Variants in FOXP2 observed in about 807,000 individuals in gnomAD.
The protein encoded by FOXP2 is forkhead box P2, also known as forkhead box protein P2.
A neutral mutation model predicts 115.8 loss-of-function variants in FOXP2; 12 were observed. That is an observed-to-expected ratio of 0.10 (90% CI 0.07 to 0.17). FOXP2 has a LOEUF of 0.17. FOXP2 is among the 10% of genes least tolerant of loss of function. The pLI, the probability that FOXP2 is intolerant of heterozygous loss-of-function variation, is 1.00. For missense variants in FOXP2, 629 were observed against 843.5 expected (o/e 0.75, Z 3.15); for synonymous variants, 328 against 297.7 (o/e 1.10, Z -1.05).
chr7:114,241,159 G>A (rs1051657795), intron 1 of FOXP2, among the ~76,000 whole-genome samples: 1 of 151,838 alleles, frequency 6.6e-6, no homozygotes, highest in South Asian at 2.1e-4. Flanking sequence ...AGCACTTATT[G>A]AGTGTTTACT....
intron 1 of FOXP2, among the ~76,000 whole-genome samples, chr7:114,092,277 G>T (rs573781929): frequency 2.6e-4 from 39 of 151,990 alleles, no homozygotes; most frequent in Admixed American, 1.2e-3. Context: ...TTTTCTAATG[G>T]AAGTCTATAA....
At chr7:114,158,354 T>C (rs1792727363), upstream of FOXP2, among the ~76,000 whole-genome samples, 2 of 152,038 alleles carry the variant, frequency 1.3e-5, no homozygotes, top group Admixed American at 1.3e-4. Flanking sequence ...TATTATTTGT[T>C]GGTATTTATT....
intron 3 of FOXP2, among the ~76,000 whole-genome samples, chr7:114,609,879 A>C (rs756760449): frequency 1.3e-5 from 2 of 152,198 alleles, no homozygotes; most frequent in Non-Finnish European, 2.9e-5. Context: ...TTTCACATTC[A>C]GCATTATCAC....
chr7:114,207,559 C>T (rs1483852669), intron 1 of FOXP2, among the ~76,000 whole-genome samples: 1 of 152,182 alleles, frequency 6.6e-6, no homozygotes, highest in Non-Finnish European at 1.5e-5. Flanking sequence ...ATAATATTCA[C>T]AATAATTTAG....
chr7:114,249,139 A>G (rs1339583706), intron 1 of FOXP2, among the ~76,000 whole-genome samples: 2 of 152,196 alleles, frequency 1.3e-5, no homozygotes, highest in Non-Finnish European at 2.9e-5. Flanking sequence ...AAGGGGGAAA[A>G]GTAATGCCTA....
chr7:114,347,011 G>T (rs1476472191), intron 2 of FOXP2, among the ~76,000 whole-genome samples: 1 of 151,512 alleles, frequency 6.6e-6, no homozygotes, highest in African/African-American at 2.4e-5. Flanking sequence ...AGAATTACAA[G>T]GTATCAATTA....
chr7:114,304,861 G>A lies in FOXP2; in HGVS notation c.-11+16752G>A, dbSNP rs548861706. On this transcript the variant is annotated intron_variant, in intron 2 of 17. Coordinates refer to the FOXP2 transcript ENST00000634411. ...TGGTTTGAAATGTTTCTGAAACAAC[G>A]TTAAAGGCATTTAAGAATAGAATAG... Among the ~76,000 whole-genome samples the A allele has an allele frequency of 9.9e-5, 15 of 151,962 alleles. No homozygotes were observed. In the South Asian group the frequency reaches 1.5e-3, roughly 15 times the overall value.
chr7:114,532,866 G>A (rs1398058902), intron 2 of FOXP2, among the ~76,000 whole-genome samples: 1 of 151,792 alleles, frequency 6.6e-6, no homozygotes. Flanking sequence ...GACACCTATT[G>A]TAATTTCCAT....
intron 3 of FOXP2, among the ~76,000 whole-genome samples, chr7:114,574,092 A>C (rs1801455108): frequency 6.6e-6 from 1 of 151,794 alleles, no homozygotes; most frequent in Admixed American, 6.6e-5. Context: ...GTACTCACTA[A>C]TAAATTATAT....
chr7:114,149,991 C>A (rs1348063824), intron 1 of FOXP2, among the ~76,000 whole-genome samples: 2 of 151,856 alleles, frequency 1.3e-5, no homozygotes, highest in Non-Finnish European at 2.9e-5. Context: ...ATATGAATAC[C>A]GTTTAGTGTT....
At chr7:114,658,837 G>A (rs929894036) in intron 11 of FOXP2, among the ~76,000 whole-genome samples, 10 of 151,964 alleles carry the variant, frequency 6.6e-5, no homozygotes, top group African/African-American at 2.4e-4. Flanking sequence ...TCCCCCACCT[G>A]CCATCCCTGG....
At chr7:114,258,103 G>A (rs149882917) in intron 1 of FOXP2, among the ~76,000 whole-genome samples, 58 of 152,290 alleles carry the variant, frequency 3.8e-4, no homozygotes, top group African/African-American at 1.4e-3. Flanking sequence ...CTGCTGTATT[G>A]AGAATAGACA....
At chr7:114,310,033 C>A (rs1181139064) in intron 2 of FOXP2, among the ~76,000 whole-genome samples, 1 of 152,098 alleles carries the variant, frequency 6.6e-6, no homozygotes, top group Non-Finnish European at 1.5e-5. Context: ...ATATTGTCAA[C>A]AGTCCAAGAT....
chr7:114,132,397 C>T (rs144830998), intron 1 of FOXP2, among the ~76,000 whole-genome samples: 49 of 152,120 alleles, frequency 3.2e-4, no homozygotes, highest in African/African-American at 1.1e-3. Flanking sequence ...ATTGAAGATA[C>T]AGCAGAGAAC....
chr7:114,679,125 C>T (rs1221152689), intron 16 of FOXP2, among the ~76,000 whole-genome samples: 3 of 152,092 alleles, frequency 2.0e-5, no homozygotes, highest in South Asian at 2.1e-4. Context: ...CCACCATGCC[C>T]GGCTAATTTT....
intron 1 of FOXP2, among the ~76,000 whole-genome samples, chr7:114,280,331 C>T (rs1367559946): frequency 1.3e-5 from 2 of 151,882 alleles, no homozygotes; most frequent in Non-Finnish European, 2.9e-5. Flanking sequence ...AAATTCTTTT[C>T]CTCTTTCCAA....
rs139570329 is a variant in FOXP2 at position 114,577,547 on chromosome 7, A to G, written c.258+42841A>G. Among the ~76,000 whole-genome samples, 169 of 152,138 alleles carry G rather than the reference A, an allele frequency of 1.1e-3. 2 individuals carry two copies. The highest frequency in any genetic ancestry group is 3.3e-3 in the African/African-American group (139 of 41,548). On this transcript the variant is annotated intron_variant, in intron 3 of 16. Transcript: ENST00000350908. ...AAATTGAACTTTTAAAATACTTAGC[A>G]TAAAGAACAGTTTGTAATGCTCAGG...
chr7:114,386,216 G>A (rs933273437), intron 2 of FOXP2, among the ~76,000 whole-genome samples: 2 of 152,178 alleles, frequency 1.3e-5, no homozygotes, highest in Non-Finnish European at 2.9e-5. Context: ...CATAACAAAT[G>A]TGGACCAGAA....
intron 3 of FOXP2, among the ~76,000 whole-genome samples, chr7:114,605,918 G>T (rs988728409): frequency 6.6e-6 from 1 of 152,134 alleles, no homozygotes; most frequent in African/African-American, 2.4e-5. Flanking sequence ...GATAATTCTG[G>T]CAACAACGAG....
Sources: allele counts gnomAD v4.1 joint callset (sites outside exome capture counted in the v4.1 genomes callset), GRCh38; gene constraint gnomAD v4.1.1; transcripts MANE v1.5; gene names NCBI Gene and HGNC (gene_info 2026-07-23, HGNC 2026-07-21).